AGMO: variants seen among roughly 807,000 people sequenced by gnomAD.
AGMO encodes alkylglycerol monooxygenase, also known as glyceryl-ether monooxygenase.
A neutral mutation model predicts 60.2 loss-of-function variants in AGMO; 75 were observed. That is an observed-to-expected ratio of 1.25 (90% CI 1.03 to 1.51). The LOEUF (loss-of-function observed/expected upper bound fraction) is 1.51. Ranked by LOEUF, AGMO falls within the 40% of genes most tolerant of loss-of-function variation. AGMO has a pLI of 0.00. For synonymous variants in AGMO, 261 were observed against 177.1 expected, an observed-to-expected ratio of 1.47 and a Z score of -3.76; for missense variants, 763 against 525.5, an observed-to-expected ratio of 1.45 and a Z score of -4.42.
chr7:15,230,369 G>C (rs1447653070), intron 12 of AGMO, among the ~76,000 whole-genome samples: 1 of 151,880 alleles, frequency 6.6e-6, no homozygotes, highest in Non-Finnish European at 1.5e-5. Context: ...AAATACAATC[G>C]AGGAGTTCAT....
the AGMO span, among the ~76,000 whole-genome samples, chr7:15,182,368 G>A: frequency 6.6e-6 from 1 of 152,178 alleles, no homozygotes; most frequent in East Asian, 1.9e-4. Flanking sequence ...GTTATATATT[G>A]TACCACGATA....
chr7:15,191,088 G>A, the AGMO span, among the ~76,000 whole-genome samples: 139 of 152,044 alleles, frequency 9.1e-4, no homozygotes, highest in African/African-American at 3.3e-3. Flanking sequence ...CATTTCTTTG[G>A]GAACAAAGTT....
At chr7:15,204,369 G>T (rs2115468527) in intron 12 of AGMO, among the ~76,000 whole-genome samples, 1 of 151,970 alleles carries the variant, frequency 6.6e-6, no homozygotes, top group East Asian at 1.9e-4. Flanking sequence ...CACTTTACTT[G>T]ATAGTTCATT....
At chr7:15,403,809 G>A (rs1784619383) in intron 5 of AGMO, among the ~76,000 whole-genome samples, 1 of 151,960 alleles carries the variant, frequency 6.6e-6, no homozygotes, top group African/African-American at 2.4e-5. Context: ...TATTTCTGCT[G>A]TGTTAATTCA....
At chr7:15,543,429 G>A (rs946564522) in intron 3 of AGMO, among the ~76,000 whole-genome samples, 1 of 152,154 alleles carries the variant, frequency 6.6e-6, no homozygotes, top group Admixed American at 6.5e-5. Flanking sequence ...GTGAACCAGT[G>A]CAGTAAGAGG....
At chr7:15,453,745 T>A (rs145011264) in intron 3 of AGMO, among the ~76,000 whole-genome samples, 1,587 of 152,146 alleles carry the variant, frequency 0.01, 15 homozygotes, top group Non-Finnish European at 0.014. Context: ...CACAGGATAT[T>A]TGTGGCAGCA....
At chr7:15,436,147 T>C (rs1480619570) in intron 3 of AGMO, among the ~76,000 whole-genome samples, 6 of 152,222 alleles carry the variant, frequency 3.9e-5, no homozygotes, top group Non-Finnish European at 7.3e-5. Context: ...ATCATATTGC[T>C]AGCACTTTAT....
chr7:15,421,568 G>T (rs1780925940), intron 4 of AGMO, among the ~76,000 whole-genome samples: 1 of 152,166 alleles, frequency 6.6e-6, no homozygotes, highest in Admixed American at 6.6e-5. Context: ...TTTGGCAGCT[G>T]TTAAACATAG....
At chr7:15,250,945 CAA>C (rs199650043) in intron 12 of AGMO, among the ~76,000 whole-genome samples, 3 of 137,358 alleles carry the variant, frequency 2.2e-5, no homozygotes, top group African/African-American at 2.9e-5. Context: ...AACTCCATCT[CAA>C]AAAAAAAAAT....
chr7:15,152,034 T>A, the AGMO span, among the ~76,000 whole-genome samples: 2 of 152,120 alleles, frequency 1.3e-5, no homozygotes, highest in Non-Finnish European at 2.9e-5. Context: ...TCTTCGTAGG[T>A]CTATAAGAAC....
chr7:15,377,659 T>A (rs1783506877), intron 10 of AGMO, among the ~76,000 whole-genome samples: 1 of 152,180 alleles, frequency 6.6e-6, no homozygotes, highest in African/African-American at 2.4e-5. Context: ...TACTCAACAT[T>A]GGTTAGTATA....
At chr7:15,318,100 G>C (rs1343475533) in intron 12 of AGMO, among the ~76,000 whole-genome samples, 1 of 151,060 alleles carries the variant, frequency 6.6e-6, no homozygotes, top group Non-Finnish European at 1.5e-5. Context: ...CTGCCTCTGG[G>C]GTTCAAACAA....
At chr7:15,394,200 A>ATTTAT in intron 5 of AGMO, 21 bp from the exon 6 acceptor site, 3 of 1,503,366 alleles carry the variant, frequency 2.0e-6, no homozygotes, top group Non-Finnish European at 2.8e-6. Context: ...CAGAAGGAAT[A>ATTTAT]TTTATACATG....
chr7:15,382,606 G>T (rs549706068), intron 10 of AGMO, among the ~76,000 whole-genome samples: 62 of 152,264 alleles, frequency 4.1e-4, no homozygotes, highest in Middle Eastern at 3.4e-3. Flanking sequence ...AAAGCTGTAA[G>T]GGCAGGATGA....
chr7:15,507,069 A>C (rs1164366783), intron 3 of AGMO, among the ~76,000 whole-genome samples: 1 of 152,062 alleles, frequency 6.6e-6, no homozygotes, highest in Non-Finnish European at 1.5e-5. Context: ...AAGAAAAAGG[A>C]AAGGAATAAC....
At chr7:15,361,204 G>A (rs2128559302) in intron 12 of AGMO, among the ~76,000 whole-genome samples, 1 of 151,762 alleles carries the variant, frequency 6.6e-6, no homozygotes, top group South Asian at 2.1e-4. Context: ...ACAACTCTAG[G>A]GTCATGCAGC....
chr7:15,543,128 T>G (rs1470673645), intron 3 of AGMO, among the ~76,000 whole-genome samples: 1 of 152,084 alleles, frequency 6.6e-6, no homozygotes, highest in Non-Finnish European at 1.5e-5. Flanking sequence ...TTAGTATTAT[T>G]CCAGGTTCCT....
intron 6 of AGMO, among the ~76,000 whole-genome samples, chr7:15,391,446 C>T (rs1375396991): frequency 1.3e-5 from 2 of 151,996 alleles, no homozygotes; most frequent in Non-Finnish European, 2.9e-5. Flanking sequence ...ATGTATTTTT[C>T]CTGCCGCTAA....
At chr7:15,467,543 G>C (rs748544780) in intron 3 of AGMO, among the ~76,000 whole-genome samples, 86 of 151,988 alleles carry the variant, frequency 5.7e-4, no homozygotes, top group Non-Finnish European at 1.0e-3. Context: ...ACACACAAAA[G>C]GACTAAAACT....
Sources: gnomAD v4.1 joint callset for allele counts (sites outside exome capture counted in the v4.1 genomes callset) on GRCh38, gnomAD v4.1.1 for gene constraint, MANE v1.5 for transcripts, NCBI Gene and HGNC (gene_info 2026-07-23, HGNC 2026-07-21) for gene names.